The following ZBTB7C variants were observed in gnomAD, a reference collection of about 807,000 sequenced individuals.
ZBTB7C encodes the protein zinc finger and BTB domain containing 7C.
ZBTB7C carries 8 observed loss-of-function variants against 25.7 expected under a neutral mutation model. That is an observed-to-expected ratio of 0.31 (90% confidence interval 0.18 to 0.56). ZBTB7C has a LOEUF of 0.56. Ranked by LOEUF, ZBTB7C falls within the 20% of genes least tolerant of loss-of-function variation. ZBTB7C has a pLI of 0.91. For missense variants in ZBTB7C, 824 were observed against 855.2 expected, an observed-to-expected ratio of 0.96 and a Z score of 0.46; for synonymous variants, 394 against 369.0, an observed-to-expected ratio of 1.07 and a Z score of -0.78.
intron 3 of ZBTB7C, among the ~76,000 whole-genome samples, chr18:48,152,518 T>G (rs1322488782): frequency 6.6e-6 from 1 of 152,228 alleles, no homozygotes; most frequent in Non-Finnish European, 1.5e-5. Flanking sequence ...CAAACAAATC[T>G]ACATTTAACA....
intron 3 of ZBTB7C, among the ~76,000 whole-genome samples, chr18:48,156,994 G>A (rs1035947266): frequency 6.6e-6 from 1 of 152,092 alleles, no homozygotes; most frequent in African/African-American, 2.4e-5. Context: ...GTGGAATAAG[G>A]CATCTTCTGA....
intron 1 of ZBTB7C, among the ~76,000 whole-genome samples, chr18:48,397,480 C>T (rs2048057415): frequency 6.6e-6 from 1 of 152,178 alleles, no homozygotes; most frequent in African/African-American, 2.4e-5. Context: ...TTCCAGATAG[C>T]CGTATCACCT....
intron 2 of ZBTB7C, among the ~76,000 whole-genome samples, chr18:48,239,749 G>A (rs1037148716): frequency 1.3e-5 from 2 of 152,060 alleles, no homozygotes; most frequent in East Asian, 1.9e-4. Context: ...CTCTGACATC[G>A]TCTACCCAAA....
Position 48,253,236 on chromosome 18 carries a change from T to A in ZBTB7C, c.-78-67241A>T, listed in dbSNP as rs1303472144. Among the ~76,000 whole-genome samples the A allele has an allele frequency of 4.7e-5, 7 of 150,340 alleles. No individual in the cohort carries two copies. In the East Asian group the frequency reaches 1.4e-3, roughly 29 times the overall value. On this transcript the variant is annotated intron_variant, in intron 2 of 4. Coordinates refer to ENST00000590800, the MANE Select transcript of ZBTB7C (RefSeq NM_001318841.2). Reference sequence around the variant, plus strand: ...GAGAAAAAGAGAAAAAGAAAAAAAATCCCTCCTGTGCCAGGGATCTAGTCA... The same window carrying A: ...GAGAAAAAGAGAAAAAGAAAAAAAAACCCTCCTGTGCCAGGGATCTAGTCA...
intron 4 of ZBTB7C, among the ~76,000 whole-genome samples, chr18:48,035,257 C>T (rs756427485): frequency 5.9e-5 from 9 of 152,210 alleles, no homozygotes; most frequent in African/African-American, 1.7e-4. Flanking sequence ...AGAGTGACTG[C>T]GGTGCAGAGG....
intron 1 of ZBTB7C, among the ~76,000 whole-genome samples, chr18:48,399,521 G>A (rs780761676): frequency 6.6e-6 from 1 of 152,204 alleles, no homozygotes; most frequent in East Asian, 1.9e-4. Context: ...GGCTGCAGAA[G>A]GACTGGCCGG....
chr18:48,373,917 C>T (rs939413273), intron 1 of ZBTB7C, among the ~76,000 whole-genome samples: 9 of 151,456 alleles, frequency 5.9e-5, no homozygotes, highest in East Asian at 3.9e-4. Flanking sequence ...GCTGAGATCG[C>T]GCCACTGCAC....
At chr18:48,128,481 A>G (rs994925225) in intron 3 of ZBTB7C, among the ~76,000 whole-genome samples, 1 of 152,258 alleles carries the variant, frequency 6.6e-6, no homozygotes, top group Admixed American at 6.5e-5. Context: ...ATGAGTGGAT[A>G]AAGAAAATGT....
chr18:48,065,500 T>G (rs11082645), intron 3 of ZBTB7C, among the ~76,000 whole-genome samples: 100,930 of 152,182 alleles, frequency 0.66, 33,907 homozygotes, highest in African/African-American at 0.76. Flanking sequence ...CACCTTCAGG[T>G]AACACTGGGG....
chr18:48,357,401 C>A (rs1224620445), intron 1 of ZBTB7C, among the ~76,000 whole-genome samples: 4 of 152,188 alleles, frequency 2.6e-5, no homozygotes, highest in Non-Finnish European at 4.4e-5. Flanking sequence ...CACTTCCTCA[C>A]CTCTCCCTCC....
At chr18:48,352,467 A>G (rs1308140805) in intron 1 of ZBTB7C, among the ~76,000 whole-genome samples, 1 of 152,188 alleles carries the variant, frequency 6.6e-6, no homozygotes, top group Non-Finnish European at 1.5e-5. Context: ...TCTTTTAGCA[A>G]AGCATCACCT....
chr18:48,071,478 A>C (rs2144399368), intron 3 of ZBTB7C, among the ~76,000 whole-genome samples: 1 of 152,372 alleles, frequency 6.6e-6, no homozygotes, highest in South Asian at 2.1e-4. Context: ...CTACTGTCAA[A>C]GAAACTAAAT....
intron 1 of ZBTB7C, among the ~76,000 whole-genome samples, chr18:48,374,700 T>G (rs2047474091): frequency 6.6e-6 from 1 of 152,252 alleles, no homozygotes; most frequent in Non-Finnish European, 1.5e-5. Context: ...TATTTTACCT[T>G]AATACAGTGC....
intron 3 of ZBTB7C, among the ~76,000 whole-genome samples, chr18:48,111,175 C>T (rs1197566321): frequency 6.6e-6 from 1 of 152,116 alleles, no homozygotes; most frequent in Non-Finnish European, 1.5e-5. Context: ...GTGTCACCTC[C>T]ACCTCCCCAC....
intron 1 of ZBTB7C, among the ~76,000 whole-genome samples, chr18:48,392,005 G>A (rs574101829): frequency 6.6e-6 from 1 of 152,330 alleles, no homozygotes; most frequent in Admixed American, 6.5e-5. Context: ...TTTAGGGTCT[G>A]TTGTACCTAC....
chr18:48,328,038 CG>C (rs1276807878), intron 2 of ZBTB7C, among the ~76,000 whole-genome samples: 2 of 151,814 alleles, frequency 1.3e-5, no homozygotes, highest in Non-Finnish European at 2.9e-5. Flanking sequence ...GAAAATTAGC[CG>C]GGCGTGGTGG....
At chr18:48,265,467 T>C (rs756676275) in intron 2 of ZBTB7C, among the ~76,000 whole-genome samples, 3 of 152,214 alleles carry the variant, frequency 2.0e-5, no homozygotes, top group Non-Finnish European at 4.4e-5. Context: ...AAGTTATTTA[T>C]GCTCTCTGAG....
intron 2 of ZBTB7C, among the ~76,000 whole-genome samples, chr18:48,330,224 G>T (rs966318581): frequency 1.3e-5 from 2 of 152,196 alleles, no homozygotes; most frequent in Non-Finnish European, 1.5e-5. Flanking sequence ...TCCTGGCATG[G>T]CCCAGAGCAG....
At chr18:48,041,810 A>G (rs2036256027) in intron 3 of ZBTB7C, among the ~76,000 whole-genome samples, 1 of 152,168 alleles carries the variant, frequency 6.6e-6, no homozygotes, top group African/African-American at 2.4e-5. Flanking sequence ...TAAATATTTA[A>G]ATTCAATACA....
Sources: allele counts gnomAD v4.1 joint callset (sites outside exome capture counted in the v4.1 genomes callset), GRCh38; gene constraint gnomAD v4.1.1; transcripts MANE v1.5; gene names NCBI Gene and HGNC (gene_info 2026-07-23, HGNC 2026-07-21).